Variants in ZSWIM6 observed in about 807,000 individuals in gnomAD.
ZSWIM6 encodes zinc finger SWIM-type containing 6.
ZSWIM6 carries 9 observed loss-of-function variants against 113.2 expected under a neutral mutation model. That is an observed-to-expected ratio of 0.08 (90% CI 0.05 to 0.14). The LOEUF (loss-of-function observed/expected upper bound fraction) is 0.14, where lower values mean the gene tolerates loss of function less well. Ranked by LOEUF, ZSWIM6 falls within the 10% of genes least tolerant of loss-of-function variation. The pLI is 1.00. For synonymous variants in ZSWIM6, 611 were observed against 606.5 expected, an observed-to-expected ratio of 1.01 and a Z score of -0.11; for missense variants, 1,162 against 1,552.2, an observed-to-expected ratio of 0.75 and a Z score of 4.22.
At chr5:61,471,928 TTGTGTGTGTGTG>T (rs111311363) in intron 1 of ZSWIM6, among the ~76,000 whole-genome samples, 1 of 150,102 alleles carries the variant, frequency 6.7e-6, no homozygotes, top group Non-Finnish European at 1.5e-5. Flanking sequence ...TACCGTGTAT[TTGTGTGTGTGTG>T]TGTGTGTGTG....
chr5:61,454,054 TCCC>T (rs1747145556), intron 1 of ZSWIM6, among the ~76,000 whole-genome samples: 1 of 151,952 alleles, frequency 6.6e-6, no homozygotes, highest in South Asian at 2.1e-4. Context: ...TTGTGTCCCT[TCCC>T]CCATTTATTT....
chr5:61,333,009 G>GCC, intron 1 of ZSWIM6, 61 bp downstream of exon 1: 1 of 439,892 alleles, frequency 2.3e-6, no homozygotes, highest in Non-Finnish European at 3.2e-6. Flanking sequence ...TGGGGGGGGG[G>GCC]TGCCCGCCTT....
At chr5:61,537,098 G>GCTA (rs1292720928) in intron 10 of ZSWIM6, among the ~76,000 whole-genome samples, 2 of 152,174 alleles carry the variant, frequency 1.3e-5, no homozygotes, top group Non-Finnish European at 2.9e-5. Context: ...AGATGCTGTT[G>GCTA]CTACTACCAC....
At chr5:61,527,380 G>A (rs2112270866) in intron 7 of ZSWIM6, among the ~76,000 whole-genome samples, 1 of 152,156 alleles carries the variant, frequency 6.6e-6, no homozygotes, top group African/African-American at 2.4e-5. Context: ...TTTAATGCTT[G>A]GGTGATTATA....
In ZSWIM6 at chr5:61,332,328, G is replaced by GCGC. The variant is rs1463417694; in HGVS notation, c.58_59insCCG (p.Gly19_Gly20insAla). On this transcript the variant is annotated inframe_insertion, in exon 1 of 14. Coordinates refer to ENST00000252744, the MANE Select transcript of ZSWIM6 (RefSeq NM_020928.2). ...GCGAAACGGCTTTGCTGCCGGCCGG[G>GCGC]CGGCGGCGGCGGCGGCGGGGGCAGC... The GCGC allele has an allele frequency of 4.8e-6, 4 of 841,078 alleles. No individual in the cohort carries two copies. The highest frequency in any genetic ancestry group is 1.2e-4 in the Admixed American group (2 of 16,002). 52.1% of individuals were successfully genotyped at this position (841,078 alleles called of 1,614,324 possible). A position where few individuals can be genotyped will look rare whatever the true frequency, so the allele number is the denominator to read the frequency against.
chr5:61,453,799 G>A (rs1747140028), intron 1 of ZSWIM6, among the ~76,000 whole-genome samples: 1 of 151,814 alleles, frequency 6.6e-6, no homozygotes, highest in Non-Finnish European at 1.5e-5. Context: ...CCACCTACAG[G>A]AGGAGGAGTA....
rs536638311 is a variant in ZSWIM6, at chr5:61,522,821, C to A, written c.1513+1379C>A. On this transcript the variant is annotated intron_variant, in intron 5 of 13. Coordinates refer to ENST00000252744, the MANE Select transcript of ZSWIM6 (RefSeq NM_020928.2). ...ATGCCTACATCTACATAGGTAATAT[C>A]CTTAATCCCCTTCTATTTATACTAT... is the stretch of plus-strand genomic sequence containing the variant. 2.6e-5 allele frequency among the ~76,000 whole-genome samples: 4 copies of A among 152,314 alleles called. No homozygotes were observed. The East Asian group carries it at 7.7e-4, about 29-fold the overall frequency.
chr5:61,487,114 A>G (rs1025757562), intron 2 of ZSWIM6, among the ~76,000 whole-genome samples: 2 of 152,058 alleles, frequency 1.3e-5, no homozygotes, highest in Admixed American at 6.6e-5. Context: ...GCATGTGGCT[A>G]TACAATTTTC....
chr5:61,471,065 A>G (rs1407866261), intron 1 of ZSWIM6, among the ~76,000 whole-genome samples: 2 of 152,160 alleles, frequency 1.3e-5, no homozygotes, highest in Non-Finnish European at 2.9e-5. Context: ...ACATGGTAGC[A>G]ATCCTTTTCT....
intron 4 of ZSWIM6, among the ~76,000 whole-genome samples, 165 bp from the exon 5 acceptor site, chr5:61,521,098 G>A (rs1366180960): frequency 6.6e-6 from 1 of 151,452 alleles, no homozygotes; most frequent in African/African-American, 2.4e-5. Context: ...TTTTGAAATT[G>A]TTTAAAATTT....
chr5:61,396,482 C>A (rs997920548), intron 1 of ZSWIM6, among the ~76,000 whole-genome samples: 2 of 145,310 alleles, frequency 1.4e-5, no homozygotes, highest in African/African-American at 5.1e-5. Flanking sequence ...AGTGAGCCGA[C>A]ATCGCGCCAC....
At chr5:61,511,506 G>T (rs1748786961) in intron 4 of ZSWIM6, among the ~76,000 whole-genome samples, 1 of 152,116 alleles carries the variant, frequency 6.6e-6, no homozygotes, top group Admixed American at 6.6e-5. Flanking sequence ...CAAGGTGATG[G>T]CATTAGGAGT....
At chr5:61,398,240 C>T (rs1252475432) in intron 1 of ZSWIM6, among the ~76,000 whole-genome samples, 2 of 152,122 alleles carry the variant, frequency 1.3e-5, no homozygotes, top group Non-Finnish European at 2.9e-5. Context: ...GCCTGAGCTC[C>T]GCCTCCTGTC....
At chr5:61,481,471 AAC>A in intron 2 of ZSWIM6, among the ~76,000 whole-genome samples, 1 of 152,174 alleles carries the variant, frequency 6.6e-6, no homozygotes, top group South Asian at 2.1e-4. Flanking sequence ...CACCCTGCTT[AAC>A]ATTCTCTCCA....
intron 4 of ZSWIM6, among the ~76,000 whole-genome samples, chr5:61,519,899 T>A (rs1296419152): frequency 2.0e-5 from 3 of 152,186 alleles, no homozygotes; most frequent in Non-Finnish European, 4.4e-5. Flanking sequence ...ATAAGCAGCA[T>A]GCAACCTAGA....
intron 1 of ZSWIM6, among the ~76,000 whole-genome samples, chr5:61,405,373 T>C (rs547732030): frequency 6.7e-4 from 102 of 152,322 alleles, no homozygotes; most frequent in African/African-American, 2.3e-3. Context: ...GGAGTATAGT[T>C]TCTTTCATCT....
intron 1 of ZSWIM6, among the ~76,000 whole-genome samples, chr5:61,334,787 TTGTC>T (rs985166327): frequency 1.3e-5 from 2 of 152,224 alleles, no homozygotes; most frequent in Non-Finnish European, 2.9e-5. Flanking sequence ...TTTTGTTTGT[TTGTC>T]TGTTTCCTGC....
chr5:61,526,324 G>T lies in ZSWIM6; in HGVS notation c.1765G>T (p.Ala589Ser). 6.4e-7 allele frequency: 1 copy of T among 1,552,090 alleles called. No individual in the cohort carries two copies. The highest frequency in any genetic ancestry group is 1.4e-5 in the African/African-American group (1 of 73,164). Residue 589 changes from alanine to serine, a missense_variant, in exon 7 of 14, where the codon GCA becomes TCA. Around this residue, in one of 4 missense-constraint regions of ZSWIM6, gnomAD observed 620 missense variants for 804.6 expected, o/e 0.77. Transcript: ENST00000252744. The stretch of plus-strand genomic sequence containing the variant: ...GTACCCCAGAGAAGCACTGAGACTA[G>T]CAATAGCTATTGTTAATACATTAAG... Reference protein sequence around the residue: ...HGYPREALRLAIAIVNTLRRQ... With the variant: ...HGYPREALRLSIAIVNTLRRQ...
At chr5:61,385,539 C>T (rs1302944099) in intron 1 of ZSWIM6, among the ~76,000 whole-genome samples, 1 of 152,218 alleles carries the variant, frequency 6.6e-6, no homozygotes, top group Non-Finnish European at 1.5e-5. Context: ...CAGTTTTTAA[C>T]TCCTGTGGGC....
Sources: allele counts gnomAD v4.1 joint callset (sites outside exome capture counted in the v4.1 genomes callset), GRCh38; gene constraint gnomAD v4.1.1; regional missense constraint gnomAD v4.1.1; transcripts MANE v1.5; gene names NCBI Gene and HGNC (gene_info 2026-07-23, HGNC 2026-07-21).